RIMS1: variants seen among roughly 807,000 people sequenced by gnomAD.
RIMS1 encodes regulating synaptic membrane exocytosis protein 1.
Under a neutral mutation model 214.1 loss-of-function variants are expected in RIMS1, and 83 were observed. That is an observed-to-expected ratio of 0.39 (90% CI 0.32 to 0.47). The LOEUF (loss-of-function observed/expected upper bound fraction) is 0.47, where lower values mean the gene tolerates loss of function less well. RIMS1 is among the 20% of genes least tolerant of loss of function. The pLI, the probability that RIMS1 is intolerant of heterozygous loss-of-function variation, is 0.99. For synonymous variants in RIMS1, 793 were observed against 786.8 expected (o/e 1.01, Z -0.13); for missense variants, 2,050 against 2,161.8 (o/e 0.95, Z 1.03).
chr6:72,232,253 GTT>G (rs1456032518), intron 6 of RIMS1, among the ~76,000 whole-genome samples: 1 of 151,556 alleles, frequency 6.6e-6, no homozygotes, highest in African/African-American at 2.4e-5. Context: ...ATAGGATAGA[GTT>G]TTACAAATTG....
At chr6:72,019,736 G>T (rs1813988679) in intron 2 of RIMS1, among the ~76,000 whole-genome samples, 1 of 152,046 alleles carries the variant, frequency 6.6e-6, no homozygotes, top group African/African-American at 2.4e-5. Flanking sequence ...GCTGAATCTT[G>T]GCTCCGTGGG....
intron 2 of RIMS1, among the ~76,000 whole-genome samples, chr6:72,090,116 C>T: frequency 6.6e-6 from 1 of 151,874 alleles, no homozygotes; most frequent in East Asian, 1.9e-4. Flanking sequence ...CACACGTATA[C>T]ATATGTAACT....
chr6:72,037,054 CT>C (rs1360641765), intron 2 of RIMS1, among the ~76,000 whole-genome samples: 22 of 152,004 alleles, frequency 1.4e-4, no homozygotes, highest in African/African-American at 3.6e-4. Flanking sequence ...GCCCAGAACC[CT>C]TTGCCATCAC....
At chr6:71,897,739 C>T (rs1373939376) in intron 1 of RIMS1, among the ~76,000 whole-genome samples, 3 of 152,056 alleles carry the variant, frequency 2.0e-5, no homozygotes, top group Non-Finnish European at 4.4e-5. Context: ...AAAGGAGGAC[C>T]ATTCTTATTT....
rs2079749168 is a variant in RIMS1 at position 72,264,966 on chromosome 6, A to G, written c.3117-9A>G. The G allele has an allele frequency of 2.6e-6, 4 of 1,567,352 alleles. No homozygotes were observed. Among genetic ancestry groups the G allele is most frequent in the Admixed American group, 1.8e-5 (1 of 55,934 alleles). ...CTGTTTCCTGCGTGTTTGTGTTGCT[A>G]CGTTCCAGACATCTTGTTAGGCACT... is the stretch of plus-strand genomic sequence containing the variant. On this transcript the variant is annotated splice_polypyrimidine_tract_variant and intron_variant, in intron 19 of 33. Transcript: ENST00000521978.
At chr6:71,977,429 CAT>C in intron 2 of RIMS1, among the ~76,000 whole-genome samples, 1 of 152,296 alleles carries the variant, frequency 6.6e-6, no homozygotes, top group East Asian at 1.9e-4. Flanking sequence ...GTGTGCATAA[CAT>C]ATTGCCAGGC....
intron 6 of RIMS1, among the ~76,000 whole-genome samples, chr6:72,206,550 T>A (rs1420587122): frequency 8.4e-6 from 1 of 118,438 alleles, no homozygotes; most frequent in Non-Finnish European, 2.2e-5. Flanking sequence ...TTATTTTTCT[T>A]CTTGTCAGGG....
At chr6:71,952,044 G>A (rs1013042116) in intron 1 of RIMS1, among the ~76,000 whole-genome samples, 2 of 152,148 alleles carry the variant, frequency 1.3e-5, no homozygotes, top group African/African-American at 4.8e-5. Context: ...CAGATTGGTG[G>A]CCCTATGACA....
At chr6:71,895,673 C>CA (rs70994105) in intron 1 of RIMS1, among the ~76,000 whole-genome samples, 12,738 of 63,950 alleles carry the variant, frequency 0.2, 1,406 homozygotes, top group African/African-American at 0.27. Context: ...GACTCCCTCT[C>CA]AAAAAAAAAA....
intron 29 of RIMS1, among the ~76,000 whole-genome samples, chr6:72,375,193 T>C (rs1161679175): frequency 1.3e-5 from 2 of 152,202 alleles, no homozygotes; most frequent in African/African-American, 4.8e-5. Context: ...AGAATCACAT[T>C]GTGCTGATGG....
intron 29 of RIMS1, among the ~76,000 whole-genome samples, chr6:72,356,997 G>A (rs1398998433): frequency 6.6e-6 from 1 of 152,086 alleles, no homozygotes; most frequent in African/African-American, 2.4e-5. Context: ...TGGGTGAACA[G>A]CAAAGATTTT....
At chr6:72,145,913 T>C (rs933857395) in intron 4 of RIMS1, among the ~76,000 whole-genome samples, 3 of 152,244 alleles carry the variant, frequency 2.0e-5, no homozygotes, top group Non-Finnish European at 4.4e-5. Flanking sequence ...CCCAAATCGT[T>C]TCCAAATTGT....
intron 1 of RIMS1, among the ~76,000 whole-genome samples, chr6:71,924,047 CACTT>C (rs1780836623): frequency 6.6e-6 from 1 of 152,164 alleles, no homozygotes; most frequent in Non-Finnish European, 1.5e-5. Flanking sequence ...TTTTTGCCCT[CACTT>C]TCTGCTAAAT....
intron 1 of RIMS1, among the ~76,000 whole-genome samples, chr6:71,898,875 T>C (rs72932123): frequency 0.021 from 3,153 of 152,212 alleles, 40 homozygotes; most frequent in Non-Finnish European, 0.025. Flanking sequence ...ACCGTCACCC[T>C]TTTTACACTT....
chr6:72,067,812 C>G (rs1829672247), intron 2 of RIMS1, among the ~76,000 whole-genome samples: 1 of 152,174 alleles, frequency 6.6e-6, no homozygotes, highest in Non-Finnish European at 1.5e-5. Context: ...TCCAATGATA[C>G]ACATTAGAAA....
intron 6 of RIMS1, among the ~76,000 whole-genome samples, chr6:72,221,875 G>A (rs1201022573): frequency 1.3e-5 from 2 of 151,838 alleles, no homozygotes; most frequent in South Asian, 4.2e-4. Context: ...ATTTTAGCTA[G>A]CATTTGGGTT....
chr6:72,219,989 T>G (rs2057848867), intron 6 of RIMS1, among the ~76,000 whole-genome samples: 1 of 152,146 alleles, frequency 6.6e-6, no homozygotes, highest in Non-Finnish European at 1.5e-5. Context: ...TATTCTATAT[T>G]AAAGGCTTTT....
chr6:72,266,733 C>A (rs867139805), intron 22 of RIMS1, among the ~76,000 whole-genome samples: 19 of 152,160 alleles, frequency 1.2e-4, no homozygotes, highest in Middle Eastern at 6.8e-3. Flanking sequence ...CTGTAAGCAT[C>A]TAATTTTTCC....
chr6:72,321,188 C>A (rs1256116968), intron 28 of RIMS1, among the ~76,000 whole-genome samples: 2 of 152,022 alleles, frequency 1.3e-5, no homozygotes, highest in Non-Finnish European at 2.9e-5. Context: ...ACTAATACAA[C>A]AAATTAGTTG....
Sources: allele counts gnomAD v4.1 joint callset (sites outside exome capture counted in the v4.1 genomes callset), GRCh38; gene constraint gnomAD v4.1.1; transcripts MANE v1.5; gene names NCBI Gene and HGNC (gene_info 2026-07-23, HGNC 2026-07-21).